ZNF831: variants seen among roughly 807,000 people sequenced by gnomAD.
ZNF831 encodes the protein chromosome 20 open reading frame 174.
ZNF831 carries 59 observed loss-of-function variants against 95.8 expected under a neutral mutation model. That is an observed-to-expected ratio of 0.62 (90% CI 0.50 to 0.77). ZNF831 has a LOEUF of 0.77. Ranked by LOEUF, ZNF831 falls within the 30% of genes least tolerant of loss-of-function variation. The probability of loss-of-function intolerance (pLI) is 0.00; values close to 1 mark genes in which losing one functional copy is unlikely to be tolerated. For missense variants in ZNF831, 2,205 were observed against 2,164.0 expected (o/e 1.02, Z -0.38); for synonymous variants, 961 against 925.5 (o/e 1.04, Z -0.70).
At chr20:59,210,378 G>A (rs948044136) in intron 4 of ZNF831, among the ~76,000 whole-genome samples, 14 of 152,114 alleles carry the variant, frequency 9.2e-5, no homozygotes, top group African/African-American at 2.7e-4. Flanking sequence ...ATGGGGCTCC[G>A]CGGAGCCGCC....
intron 2 of ZNF831, 127 bp downstream of exon 2, chr20:59,194,884 C>G: frequency 7.5e-7 from 1 of 1,332,742 alleles, no homozygotes; most frequent in Non-Finnish European, 9.9e-7. Context: ...CTTGCTTGTT[C>G]CTGAGGGAGG....
intron 4 of ZNF831, among the ~76,000 whole-genome samples, chr20:59,234,010 T>A (rs561665102): frequency 1.3e-5 from 2 of 152,322 alleles, no homozygotes; most frequent in African/African-American, 4.8e-5. Flanking sequence ...GATGAGCAGC[T>A]TTTTCTACTA....
intron 3 of ZNF831, among the ~76,000 whole-genome samples, chr20:59,203,731 A>G (rs1253514662): frequency 6.6e-6 from 1 of 152,136 alleles, no homozygotes; most frequent in African/African-American, 2.4e-5. Flanking sequence ...CCAACTGCAA[A>G]TACCACACTG....
rs185669322 is a variant in ZNF831, at chr20:59,154,773, C to T, written c.-1280-4879C>T. Among the ~76,000 whole-genome samples the T allele has an allele frequency of 4.9e-3, 746 of 152,344 alleles. 1 individual carries two copies. The highest frequency in any genetic ancestry group is 8.0e-3 in the Non-Finnish European group (544 of 68,040). ...AGTGCCCATTTAGCGCCTTGGCACT[C>T]ACCGCACCGTCTTTTGCCCTTTGCC... is the stretch of plus-strand genomic sequence containing the variant. On this transcript the variant is annotated intron_variant, in intron 2 of 7. Coordinates refer to the ZNF831 transcript ENST00000637017.
chr20:59,229,678 A>G (rs1301220565), intron 4 of ZNF831, among the ~76,000 whole-genome samples: 1 of 152,228 alleles, frequency 6.6e-6, no homozygotes, highest in African/African-American at 2.4e-5. Context: ...TAGCTGGTCC[A>G]GGATATTACC....
intron 1 of ZNF831, among the ~76,000 whole-genome samples, chr20:59,144,686 T>C (rs1056709039): frequency 3.9e-5 from 6 of 152,122 alleles, no homozygotes; most frequent in African/African-American, 1.4e-4. Flanking sequence ...ATAGAAACCC[T>C]CAAACCCAGC....
intron 1 of ZNF831, among the ~76,000 whole-genome samples, chr20:59,175,214 G>T: frequency 1.3e-5 from 1 of 74,548 alleles, no homozygotes; most frequent in Non-Finnish European, 2.4e-5. Flanking sequence ...ATTTCTTTGG[G>T]TTTATCCTGG....
chr20:59,156,874 A>AT (rs1213922560), intron 2 of ZNF831, among the ~76,000 whole-genome samples: 1 of 152,210 alleles, frequency 6.6e-6, no homozygotes, highest in African/African-American at 2.4e-5. Context: ...TCAACTAAAT[A>AT]TTTTTTTAAA....
chr20:59,236,511 C>T (rs967657705), intron 4 of ZNF831, among the ~76,000 whole-genome samples: 1 of 150,020 alleles, frequency 6.7e-6, no homozygotes, highest in Admixed American at 6.6e-5. Context: ...CTCTGGAGTG[C>T]AGTGGTGCAG....
intron 4 of ZNF831, among the ~76,000 whole-genome samples, chr20:59,233,933 G>A (rs747886657): frequency 6.6e-6 from 1 of 152,190 alleles, no homozygotes; most frequent in Non-Finnish European, 1.5e-5. Flanking sequence ...CCACCTACTC[G>A]AAAGGAATAG....
Position 59,190,998 on chromosome 20 carries a change from T to A in ZNF831, c.-22T>A. 1 of 1,470,702 alleles carries A rather than the reference T, an allele frequency of 6.8e-7. No homozygotes were observed. 91.1% of individuals were successfully genotyped at this position (1,470,702 alleles called of 1,614,324 possible). ...GTTGTCTGCAGGTTTTCCAGCATTG[T>A]GGGCCATCCAGATGATGCGGAATGG... On this transcript the variant is annotated 5_prime_UTR_variant, in exon 2 of 6. Coordinates refer to ENST00000371030, the MANE Select transcript of ZNF831 (RefSeq NM_178457.3).
intron 1 of ZNF831, among the ~76,000 whole-genome samples, chr20:59,182,515 G>C (rs1982698996): frequency 6.6e-6 from 1 of 152,014 alleles, no homozygotes; most frequent in African/African-American, 2.4e-5. Flanking sequence ...GAAGACAGGG[G>C]ACGGGGATGG....
intron 4 of ZNF831, among the ~76,000 whole-genome samples, chr20:59,213,249 C>A (rs545600705): frequency 6.6e-6 from 1 of 152,144 alleles, no homozygotes; most frequent in Non-Finnish European, 1.5e-5. Flanking sequence ...TGATTTTTAA[C>A]AATTAGCTCA....
chr20:59,220,318 G>C (rs549544058), intron 4 of ZNF831, among the ~76,000 whole-genome samples: 72 of 152,318 alleles, frequency 4.7e-4, no homozygotes, highest in African/African-American at 1.6e-3. Context: ...ACAAAATCAC[G>C]GAGGCACCAG....
chr20:59,242,559 AAAAC>A (rs558869179), intron 4 of ZNF831, among the ~76,000 whole-genome samples: 5 of 152,258 alleles, frequency 3.3e-5, no homozygotes, highest in East Asian at 1.9e-4. Context: ...TGGAAAAAGA[AAAAC>A]AAATCTCTAA....
At chr20:59,149,559 A>G (rs527721543) in intron 2 of ZNF831, among the ~76,000 whole-genome samples, 2 of 152,368 alleles carry the variant, frequency 1.3e-5, no homozygotes, top group South Asian at 4.1e-4. Flanking sequence ...TTACTATAAA[A>G]TAAGATCTCC....
chr20:59,132,084 G>T (rs906305125), intron 1 of ZNF831, among the ~76,000 whole-genome samples: 4 of 152,188 alleles, frequency 2.6e-5, no homozygotes, highest in Middle Eastern at 3.2e-3. Flanking sequence ...CCCATTGTAT[G>T]AGAAATTTCA....
intron 4 of ZNF831, among the ~76,000 whole-genome samples, chr20:59,211,762 C>T (rs1168051783): frequency 2.7e-5 from 4 of 147,570 alleles, no homozygotes; most frequent in Admixed American, 6.6e-5. Context: ...GCTGCGTCCT[C>T]GGTGAGGGAG....
At chr20:59,170,357 T>A (rs1981628519) in intron 1 of ZNF831, among the ~76,000 whole-genome samples, 1 of 152,210 alleles carries the variant, frequency 6.6e-6, no homozygotes, top group Non-Finnish European at 1.5e-5. Flanking sequence ...GTCAGTGTAT[T>A]TTTTGATTAC....
Sources: allele counts gnomAD v4.1 joint callset (sites outside exome capture counted in the v4.1 genomes callset), GRCh38; gene constraint gnomAD v4.1.1; transcripts MANE v1.5; gene names NCBI Gene and HGNC (gene_info 2026-07-23, HGNC 2026-07-21).